RIMS2: variants seen among roughly 807,000 people sequenced by gnomAD.
RIMS2 encodes the protein regulating synaptic membrane exocytosis protein 2.
Under a neutral mutation model 174.4 loss-of-function variants are expected in RIMS2, and 59 were observed. The observed-to-expected ratio is 0.34, with a 90% CI of 0.27 to 0.42. The LOEUF (loss-of-function observed/expected upper bound fraction) is 0.42. Among genes scored for constraint, RIMS2 ranks in the 10% least tolerant of loss-of-function variants. RIMS2 has a pLI of 1.00. For synonymous variants in RIMS2, 606 were observed against 572.5 expected (o/e 1.06, Z -0.84); for missense variants, 1,620 against 1,666.3 (o/e 0.97, Z 0.48).
intron 1 of RIMS2, among the ~76,000 whole-genome samples, chr8:103,604,595 G>A (rs962852658): frequency 1.3e-5 from 2 of 150,840 alleles, no homozygotes; most frequent in African/African-American, 4.9e-5. Flanking sequence ...TGGGCAGTAT[G>A]GCCATTTTCA....
chr8:103,845,271 T>C (rs1239597742), intron 3 of RIMS2, among the ~76,000 whole-genome samples: 1 of 152,110 alleles, frequency 6.6e-6, no homozygotes, highest in Non-Finnish European at 1.5e-5. Context: ...TTTATGGGCA[T>C]GCTTGATTTC....
At chr8:104,168,405 T>C (rs939329573) in intron 19 of RIMS2, among the ~76,000 whole-genome samples, 1 of 152,180 alleles carries the variant, frequency 6.6e-6, no homozygotes, top group East Asian at 1.9e-4. Flanking sequence ...TTCCTAAGTA[T>C]TTTATTTTCT....
chr8:103,811,228 T>C (rs2098685761), intron 3 of RIMS2, among the ~76,000 whole-genome samples: 2 of 152,170 alleles, frequency 1.3e-5, no homozygotes, highest in Admixed American at 6.5e-5. Context: ...CAAGGAAATA[T>C]ATACTTGGAA....
intron 4 of RIMS2, among the ~76,000 whole-genome samples, chr8:103,899,147 C>G (rs983088079): frequency 9.2e-5 from 14 of 151,706 alleles, no homozygotes; most frequent in African/African-American, 1.5e-4. Flanking sequence ...TTGGTTCCAA[C>G]TCTTTGCTAT....
intron 9 of RIMS2, chr8:103,920,645 G>A (rs1212977266): frequency 4.4e-6 from 2 of 457,042 alleles, no homozygotes; most frequent in Non-Finnish European, 8.8e-6. Context: ...CAGAGGTGTT[G>A]TAGGTTCACT....
rs140987768 is a variant in RIMS2, at chr8:104,008,365, G to A, written c.3045-5077G>A. On this transcript the variant is annotated intron_variant, in intron 17 of 23. Coordinates refer to ENST00000504942, the Ensembl canonical transcript of RIMS2. ...ATTTGTTCTGTATTAATTATTATGG[G>A]TAAATATTCCTGCTTATTTGTGGTT... Among the ~76,000 whole-genome samples the A allele has an allele frequency of 2.2e-4, 34 of 151,488 alleles. 1 individual carries two copies. Among genetic ancestry groups the A allele is most frequent in the African/African-American group, 8.0e-4 (33 of 41,370 alleles).
chr8:103,797,499 G>T (rs780782151), intron 3 of RIMS2, among the ~76,000 whole-genome samples: 1 of 152,076 alleles, frequency 6.6e-6, no homozygotes, highest in Non-Finnish European at 1.5e-5. Flanking sequence ...TCTTTTACTT[G>T]TTACAATTAT....
chr8:104,170,415 T>C lies in RIMS2; in HGVS notation c.3335-74501T>C, dbSNP rs139575889. Among the ~76,000 whole-genome samples, 1,486 of 152,228 alleles carry C rather than the reference T, an allele frequency of 9.8e-3. 11 individuals are homozygous for C. The highest frequency in any genetic ancestry group is 0.013 in the Non-Finnish European group (916 of 67,956). ...TGTTGAACTAATCCATTTATCATTA[T>C]ATAACATGGTTCTTGTCTTTTTTTA... is the stretch of plus-strand genomic sequence containing the variant. On this transcript the variant is annotated intron_variant, in intron 19 of 23. Coordinates refer to ENST00000504942, the Ensembl canonical transcript of RIMS2.
intron 1 of RIMS2, among the ~76,000 whole-genome samples, chr8:103,587,402 G>GAAA (rs1255720445): frequency 2.5e-5 from 3 of 120,974 alleles, no homozygotes; most frequent in Non-Finnish European, 5.3e-5. Context: ...ACATCAGGAA[G>GAAA]AAAAAAGAAG....
chr8:104,250,130 C>A (rs1337254918), intron 22 of RIMS2, among the ~76,000 whole-genome samples: 3 of 152,202 alleles, frequency 2.0e-5, no homozygotes, highest in Admixed American at 1.3e-4. Context: ...TCATTTTAAT[C>A]TAAGGTGCAT....
At chr8:103,623,364 T>G (rs1286570070) in intron 1 of RIMS2, among the ~76,000 whole-genome samples, 2 of 152,080 alleles carry the variant, frequency 1.3e-5, no homozygotes, top group South Asian at 2.1e-4. Flanking sequence ...TTTATATGTT[T>G]GAAATATTTT....
rs538836044 is a variant in RIMS2 at position 103,704,386 on chromosome 8, C to G, written c.387+7090C>G. 7.9e-5 allele frequency among the ~76,000 whole-genome samples: 12 copies of G among 151,718 alleles called. No individual in the cohort carries two copies. In the East Asian group the frequency reaches 2.3e-3, roughly 29 times the overall value. On this transcript the variant is annotated intron_variant, in intron 2 of 23. Transcript: ENST00000504942. ...AGAATGTTTTTGAAGATTTTTGCAT[C>G]TATGTTCGTTCATCAGAGATAATGG... is the stretch of plus-strand genomic sequence containing the variant.
At chr8:103,935,120 T>A (rs1359606601) in intron 12 of RIMS2, among the ~76,000 whole-genome samples, 2 of 152,136 alleles carry the variant, frequency 1.3e-5, no homozygotes, top group Non-Finnish European at 1.5e-5. Context: ...GATATATGAG[T>A]AGATGTTAAA....
At chr8:103,594,974 C>T (rs1183233074) in intron 1 of RIMS2, among the ~76,000 whole-genome samples, 2 of 151,746 alleles carry the variant, frequency 1.3e-5, no homozygotes, top group Non-Finnish European at 3.0e-5. Flanking sequence ...TGCCAATGTT[C>T]ATCTGCATTT....
intron 3 of RIMS2, among the ~76,000 whole-genome samples, chr8:103,852,476 C>T (rs2099004354): frequency 6.7e-6 from 1 of 149,796 alleles, no homozygotes; most frequent in African/African-American, 2.5e-5. Context: ...TGCTCAATTG[C>T]AGTATATCTC....
At chr8:103,924,645 A>C (rs1464202176) in intron 10 of RIMS2, among the ~76,000 whole-genome samples, 1 of 151,666 alleles carries the variant, frequency 6.6e-6, no homozygotes, top group African/African-American at 2.4e-5. Flanking sequence ...CTAATGCCTG[A>C]GAACAATGAT....
chr8:103,869,193 CTTT>C (rs758281100), intron 3 of RIMS2, among the ~76,000 whole-genome samples: 6 of 131,184 alleles, frequency 4.6e-5, no homozygotes, highest in African/African-American at 2.8e-5. Context: ...ACCAGGAACA[CTTT>C]TTTTTTTTTT....
intron 1 of RIMS2, among the ~76,000 whole-genome samples, chr8:103,595,505 G>A (rs549066829): frequency 6.6e-6 from 1 of 151,950 alleles, no homozygotes; most frequent in South Asian, 2.1e-4. Context: ...AGTAAGAAGA[G>A]TTAAGATTTA....
At chr8:104,139,077 G>C (rs2098545480) in intron 19 of RIMS2, among the ~76,000 whole-genome samples, 1 of 152,008 alleles carries the variant, frequency 6.6e-6, no homozygotes, top group South Asian at 2.1e-4. Context: ...CTTCAGTGGA[G>C]GTGTCTGAAT....
Sources: gnomAD v4.1 joint callset for allele counts (sites outside exome capture counted in the v4.1 genomes callset) on GRCh38, gnomAD v4.1.1 for gene constraint, MANE v1.5 for transcripts, NCBI Gene and HGNC (gene_info 2026-07-23, HGNC 2026-07-21) for gene names.